Variants in HPSE2 observed in about 807,000 individuals in gnomAD.
HPSE2 encodes the protein heparanase 2 (inactive).
In HPSE2, 38 loss-of-function variants were observed where a neutral mutation model predicts 60.5. The ratio of observed to expected loss-of-function variants is 0.63; its 90% CI spans 0.48 to 0.82. HPSE2 has a LOEUF of 0.82. Ranked by LOEUF, HPSE2 falls within the 40% of genes least tolerant of loss-of-function variation. HPSE2 has a pLI of 0.00. For synonymous variants in HPSE2, 295 were observed against 293.2 expected, an observed-to-expected ratio of 1.01 and a Z score of -0.06; for missense variants, 713 against 740.4, an observed-to-expected ratio of 0.96 and a Z score of 0.43.
intron 3 of HPSE2, among the ~76,000 whole-genome samples, chr10:99,091,953 G>T (rs1183948327): frequency 6.6e-6 from 1 of 152,106 alleles, no homozygotes; most frequent in Non-Finnish European, 1.5e-5. Context: ...GAGCTCAATT[G>T]CTGAGAATCC....
In HPSE2 at chr10:98,852,161, GTGTGTA is replaced by G. The variant is rs767030483; in HGVS notation, c.611-108111_611-108106del. Among the ~76,000 whole-genome samples the G allele has an allele frequency of 4.9e-3, 624 of 128,124 alleles. 9 individuals carry two copies. The highest frequency in any genetic ancestry group is 0.021 in the African/African-American group (578 of 28,130). The allele number at this position is 128,124 out of a possible 152,430, so 84.1% of individuals were successfully genotyped here. ...TGTGTGTGTGTGTGTGTGTGTGTGT[GTGTGTA>G]TATATGTTTGGTTTTCATCCATCCT... On this transcript the variant is annotated intron_variant, in intron 3 of 11. Transcript: ENST00000370552.
intron 3 of HPSE2, among the ~76,000 whole-genome samples, chr10:98,860,416 T>G (rs1952428789): frequency 6.6e-6 from 1 of 152,172 alleles, no homozygotes; most frequent in East Asian, 1.9e-4. Flanking sequence ...GTTCAGTCAG[T>G]TTGGAATACC....
rs4917836 is a variant in HPSE2, at chr10:98,458,302, A to C, written c.*1272T>G. 94,043 of 152,036 alleles carry C rather than the reference A, an allele frequency of 0.62. 29,275 individuals carry two copies. Among genetic ancestry groups the C allele is most frequent in the African/African-American group, 0.64 (26,526 of 41,456 alleles). 9.4% of individuals were successfully genotyped at this position (152,036 alleles called of 1,614,324 possible). On this transcript the variant is annotated 3_prime_UTR_variant, in exon 12 of 12. Transcript: ENST00000370552. Reference sequence around the variant, plus strand: ...TATCCTGAGAAAGAAAATCACATCCACAGAAAAGAAAGTCATTTCAGCTGT... The same window carrying C: ...TATCCTGAGAAAGAAAATCACATCCCCAGAAAAGAAAGTCATTTCAGCTGT...
intron 2 of HPSE2, among the ~76,000 whole-genome samples, chr10:99,203,033 G>T (rs193079597): frequency 6.6e-6 from 1 of 152,032 alleles, no homozygotes; most frequent in Non-Finnish European, 1.5e-5. Context: ...GCCCCAGAAC[G>T]AGCCTCCAAA....
chr10:98,595,228 G>C (rs1269725331), intron 9 of HPSE2, among the ~76,000 whole-genome samples: 4 of 144,172 alleles, frequency 2.8e-5, no homozygotes, highest in Non-Finnish European at 3.0e-5. Flanking sequence ...GGAGTGCAGT[G>C]GTGCAATCTC....
intron 9 of HPSE2, among the ~76,000 whole-genome samples, chr10:98,600,911 G>GTATATATGTGTGTATATATATA (rs576143051): frequency 2.4e-4 from 18 of 73,718 alleles, no homozygotes; most frequent in African/African-American, 6.3e-4. Context: ...ATGTGTGTGT[G>GTATATATGTGTGTATATATATA]TATATATATA....
At chr10:98,699,667 A>T (rs1160259496) in intron 5 of HPSE2, among the ~76,000 whole-genome samples, 1 of 126,146 alleles carries the variant, frequency 7.9e-6, no homozygotes, top group East Asian at 2.5e-4. Context: ...GAAGGAAATA[A>T]AGGGTATTCA....
intron 6 of HPSE2, among the ~76,000 whole-genome samples, chr10:98,683,572 T>C (rs1235111171): frequency 6.6e-6 from 1 of 151,724 alleles, no homozygotes; most frequent in Non-Finnish European, 1.5e-5. Flanking sequence ...CTTTTGGAAA[T>C]TAGAATATGA....
At position 98,933,565 on chromosome 10, in the gene HPSE2, T is replaced by C. The variant is rs372898162; in HGVS notation, c.611-189509A>G. On this transcript the variant is annotated intron_variant, in intron 3 of 11. Transcript: ENST00000370552. ...ACTGCCAGTGGGGTATTAAAGTCTC[T>C]GACTATTATTGTGTGGGGGTCTAAG... 9.1e-4 allele frequency among the ~76,000 whole-genome samples: 130 copies of C among 143,590 alleles called. 12 individuals carry two copies. The South Asian group carries it at 0.027, about 30-fold the overall frequency. 94.2% of individuals were successfully genotyped at this position (143,590 alleles called of 152,430 possible).
chr10:98,805,010 T>C (rs972760073), intron 3 of HPSE2, among the ~76,000 whole-genome samples: 4 of 152,236 alleles, frequency 2.6e-5, no homozygotes, highest in Non-Finnish European at 4.4e-5. Flanking sequence ...GCAGTCATTA[T>C]GCTACATGAA....
the HPSE2 span, among the ~76,000 whole-genome samples, chr10:99,259,556 A>G: frequency 3.3e-5 from 5 of 152,346 alleles, no homozygotes; most frequent in African/African-American, 1.2e-4. Flanking sequence ...TTAGTCATTA[A>G]GAGAGTTGCA....
intron 3 of HPSE2, among the ~76,000 whole-genome samples, chr10:99,028,185 T>A (rs1258075598): frequency 1.3e-5 from 2 of 152,104 alleles, no homozygotes; most frequent in Admixed American, 1.3e-4. Context: ...GCAGTCAAAT[T>A]GGAAAGGAAG....
chr10:98,748,840 C>T (rs376532113), intron 3 of HPSE2, among the ~76,000 whole-genome samples: 1 of 151,536 alleles, frequency 6.6e-6, no homozygotes, highest in East Asian at 1.9e-4. Context: ...TGTTCCATAA[C>T]AGTAGGTGTT....
intron 9 of HPSE2, among the ~76,000 whole-genome samples, chr10:98,606,856 A>G (rs1945603481): frequency 6.6e-6 from 1 of 152,330 alleles, no homozygotes; most frequent in East Asian, 1.9e-4. Context: ...ATAACGTATT[A>G]TCTTGGTTCT....
the HPSE2 span, among the ~76,000 whole-genome samples, chr10:99,277,554 A>G: frequency 6.6e-6 from 1 of 152,186 alleles, no homozygotes; most frequent in Admixed American, 6.5e-5. Context: ...GAGCTCCATG[A>G]GCCCTTCTAC....
chr10:98,460,493 A>G (rs1336768910), intron 11 of HPSE2, among the ~76,000 whole-genome samples: 2 of 152,100 alleles, frequency 1.3e-5, no homozygotes, highest in Non-Finnish European at 2.9e-5. Context: ...TTAGCCTGGC[A>G]TGGTGGCTAC....
chr10:98,993,154 C>T (rs1343084836), intron 3 of HPSE2, among the ~76,000 whole-genome samples: 3 of 152,134 alleles, frequency 2.0e-5, no homozygotes, highest in Non-Finnish European at 4.4e-5. Context: ...GAGTAAATTA[C>T]AAGGAACATA....
chr10:98,563,823 G>A (rs1307305383), intron 9 of HPSE2, among the ~76,000 whole-genome samples: 2 of 152,062 alleles, frequency 1.3e-5, no homozygotes, highest in Non-Finnish European at 2.9e-5. Flanking sequence ...TTGGCTTAGT[G>A]TGAATCATAG....
intron 3 of HPSE2, among the ~76,000 whole-genome samples, chr10:99,128,943 A>C (rs1845274136): frequency 6.6e-6 from 1 of 152,216 alleles, no homozygotes; most frequent in Non-Finnish European, 1.5e-5. Context: ...TTAAGGTAAA[A>C]GAGTGAAAAA....
Sources: allele counts gnomAD v4.1 joint callset (sites outside exome capture counted in the v4.1 genomes callset), GRCh38; gene constraint gnomAD v4.1.1; transcripts MANE v1.5; gene names NCBI Gene and HGNC (gene_info 2026-07-23, HGNC 2026-07-21).